Variants in CASP2 observed in about 807,000 individuals in gnomAD.
The protein encoded by CASP2 is caspase-2.
CASP2 carries 38 observed loss-of-function variants against 54.4 expected under a neutral mutation model. The ratio of observed to expected loss-of-function variants is 0.70; its 90% CI spans 0.54 to 0.92. The LOEUF (loss-of-function observed/expected upper bound fraction) is 0.92, where lower values mean the gene tolerates loss of function less well. Among genes scored for constraint, CASP2 ranks in the 40% least tolerant of loss-of-function variants. CASP2 has a pLI of 0.00. For synonymous variants in CASP2, 215 were observed against 216.3 expected (o/e 0.99, Z 0.05); for missense variants, 512 against 579.6 (o/e 0.88, Z 1.20).
chr7:143,294,831 C>A, intron 6 of CASP2, 58 bp downstream of exon 6: 4 of 1,443,262 alleles, frequency 2.8e-6, no homozygotes, highest in Non-Finnish European at 2.9e-6. Flanking sequence ...CACTTTGGGA[C>A]CAGAGACATC....
rs1802055254 is a variant in CASP2 at position 143,306,158 on chromosome 7, TTTA to T, written c.*1090_*1092del. The stretch of plus-strand genomic sequence containing the variant: ...AACTCTCCTTTGATATTATGTGGCT[TTTA>T]TTTCAGTGCCATACATGTTATTGTT... On this transcript the variant is annotated 3_prime_UTR_variant, in exon 11 of 11. Transcript: ENST00000310447. 6.6e-6 allele frequency: 1 copy of T among 152,160 alleles called. No individual in the cohort carries two copies. The highest frequency in any genetic ancestry group is 2.1e-4 in the South Asian group (1 of 4,832). 9.4% of individuals were successfully genotyped at this position (152,160 alleles called of 1,614,324 possible).
rs751529323 is a variant in CASP2 at position 143,300,465 on chromosome 7, T to C, written c.967+171T>C. 16 of 1,595,366 alleles carry C rather than the reference T, an allele frequency of 1.0e-5. No homozygotes were observed. In the Admixed American group the frequency reaches 2.7e-4, roughly 27 times the overall value. On this transcript the variant is annotated intron_variant, in intron 8 of 10. Transcript: ENST00000310447. ...TGTAAGTGTCTCCCAATGCATGGGG[T>C]GTGCTGGGACTTGGGCAGCCCATGG... is the stretch of plus-strand genomic sequence containing the variant.
At position 143,292,438 on chromosome 7, in the gene CASP2, C is replaced by T; in HGVS notation, c.364C>T (p.Leu122Phe). 1 of 1,614,156 alleles carries T rather than the reference C, an allele frequency of 6.2e-7. No homozygotes were observed. The highest frequency in any genetic ancestry group is 8.5e-7 in the Non-Finnish European group (1 of 1,180,050). Residue 122 changes from leucine (L) to phenylalanine (F), a missense_variant, in exon 3 of 11, where the codon CTT becomes TTT. Around this residue, in one of 3 missense-constraint regions of CASP2, gnomAD observed 417 missense variants for 495.4 expected, o/e 0.84. Transcript: ENST00000310447. ...GHLEDMLLTT[L>F]SGLQHVLPPL... ...CCTGGAGGATATGTTGCTCACCACC[C>T]TTTCTGGGCTTCAGCATGTACTCCC...
At chr7:143,290,366 C>T (rs1223193853) in intron 1 of CASP2, among the ~76,000 whole-genome samples, 1 of 152,084 alleles carries the variant, frequency 6.6e-6, no homozygotes, top group Non-Finnish European at 1.5e-5. Flanking sequence ...CCGGCCTCCC[C>T]TCATGTTTTA....
chr7:143,291,239 C>A (rs780937858), intron 1 of CASP2, among the ~76,000 whole-genome samples: 1 of 152,164 alleles, frequency 6.6e-6, no homozygotes, highest in Non-Finnish European at 1.5e-5. Flanking sequence ...TATTCCTTCT[C>A]ATAAATATGT....
In CASP2 at chr7:143,294,234, T is replaced by C; in HGVS notation, c.480T>C (p.Thr160=). The stretch of plus-strand genomic sequence containing the variant: ...GGTTTTCTGTCTATACCACAGATAC[T>C]GTGGAACACTCCCTAGACAATAAAG... ...LYKKLRLSTD[T]VEHSLDNKDG... Residue 160 remains threonine (T), a synonymous_variant, in exon 5 of 11, where the codon ACT becomes ACC. Coordinates refer to ENST00000310447, the MANE Select transcript of CASP2 (RefSeq NM_032982.4). The C allele has an allele frequency of 1.9e-6, 3 of 1,594,462 alleles. No individual in the cohort carries two copies. Among genetic ancestry groups the C allele is most frequent in the Non-Finnish European group, 2.6e-6 (3 of 1,162,206 alleles).
chr7:143,293,116 T>G (rs1316099255), intron 4 of CASP2: 5 of 335,376 alleles, frequency 1.5e-5, no homozygotes, highest in East Asian at 3.6e-5. Context: ...TTTTTTTTGT[T>G]TTTTTTTTTT....
In CASP2 at chr7:143,288,391, G is replaced by T. The variant is rs1801441746; in HGVS notation, c.-65G>T. The T allele has an allele frequency of 5.2e-6, 8 of 1,527,720 alleles. No individual in the cohort carries two copies. Among genetic ancestry groups the T allele is most frequent in the African/African-American group, 1.4e-5 (1 of 73,178 alleles). 94.6% of individuals were successfully genotyped at this position (1,527,720 alleles called of 1,614,324 possible). On this transcript the variant is annotated 5_prime_UTR_variant, in exon 1 of 11. Transcript: ENST00000310447. ...GTCTGAGGGGAGGGATGTGGGGGAA[G>T]CGACGGCCCCCGGTTTGTTTGGGCT... is the stretch of plus-strand genomic sequence containing the variant.
At chr7:143,291,800 T>TTG in intron 2 of CASP2, 110 bp downstream of exon 2, 2 of 913,500 alleles carry the variant, frequency 2.2e-6, no homozygotes, top group Non-Finnish European at 3.3e-6. Flanking sequence ...TTTTTTTTTT[T>TTG]GAGACAGAGT....
rs1802028118 is a variant in CASP2, at chr7:143,305,037, A to C, written c.1325A>C (p.His442Pro). The C allele has an allele frequency of 6.2e-7, 1 of 1,614,044 alleles. No individual in the cohort carries two copies. Among genetic ancestry groups the C allele is most frequent in the South Asian group, 1.1e-5 (1 of 91,088 alleles). Residue 442 changes from histidine to proline, a missense_variant, in exon 11 of 11, where the codon CAC becomes CCC. Transcript: ENST00000310447. ...MSEYCSTLCR[H>P]LYLFPGHPPT ...GAATACTGCAGCACTCTGTGCCGCCACCTCTACCTGTTCCCAGGACACCCT... is the reference window on the plus strand; with the variant it reads ...GAATACTGCAGCACTCTGTGCCGCCCCCTCTACCTGTTCCCAGGACACCCT...
chr7:143,293,783 C>T (rs1326434905), intron 4 of CASP2, among the ~76,000 whole-genome samples: 1 of 152,176 alleles, frequency 6.6e-6, no homozygotes, highest in Non-Finnish European at 1.5e-5. Flanking sequence ...GTCACTGCGC[C>T]CGGCCCAGGC....
Position 143,288,464 on chromosome 7 carries a change from G to C in CASP2, c.9G>C (p.Ala3=). The part of the protein sequence containing the change: MA[A]PSAGSWSTFQ... The stretch of plus-strand genomic sequence containing the variant: ...CCCGGGAAAAGCGGGAAATGGCGGC[G>C]CCGAGCGCGGGGTCTTGGTCCACCT... Residue 3 remains alanine (A), a synonymous_variant, in exon 1 of 11, where the codon GCG becomes GCC. Coordinates refer to ENST00000310447, the MANE Select transcript of CASP2 (RefSeq NM_032982.4). The C allele has an allele frequency of 6.2e-7, 1 of 1,613,058 alleles. No individual in the cohort carries two copies. Among genetic ancestry groups the C allele is most frequent in the Non-Finnish European group, 8.5e-7 (1 of 1,179,652 alleles).
At chr7:143,300,174 C>T (rs770571274) in intron 7 of CASP2, 30 bp from the exon 8 acceptor site, 4 of 1,613,142 alleles carry the variant, frequency 2.5e-6, no homozygotes, top group South Asian at 2.2e-5. Context: ...GAATGCTTAA[C>T]CTCTCTTCTT....
chr7:143,303,804 G>T lies in CASP2; in HGVS notation c.988G>T (p.Asp330Tyr). The change falls in exon 9 of 11, where the codon GAC becomes TAC. Residue 330 changes from aspartate (D) to tyrosine (Y), a missense_variant. By Grantham distance (160) the Asp-to-Tyr change is radical (BLOSUM62 -3). Coordinates refer to ENST00000310447, the MANE Select transcript of CASP2 (RefSeq NM_032982.4). ...TACAGATGAGACTGATCGTGGGGTTGACCAACAAGATGGAAAGAACCACGC... is the reference window on the plus strand; with the variant it reads ...TACAGATGAGACTGATCGTGGGGTTTACCAACAAGATGGAAAGAACCACGC... ...CRGDETDRGV[D>Y]QQDGKNHAGS... 6.2e-7 allele frequency: 1 copy of T among 1,613,854 alleles called. No homozygotes were observed. The highest frequency in any genetic ancestry group is 1.1e-5 in the South Asian group (1 of 91,030).
At chr7:143,304,632 G>T (rs752069533) in intron 9 of CASP2, 42 bp from the exon 10 acceptor site, 2 of 1,423,012 alleles carry the variant, frequency 1.4e-6, no homozygotes, top group Admixed American at 1.7e-5. Context: ...GTGCAGCTGT[G>T]TGATGGCATT....
intron 8 of CASP2, chr7:143,301,462 A>T (rs1801915691): frequency 6.6e-6 from 1 of 152,216 alleles, no homozygotes; most frequent in South Asian, 2.1e-4. Flanking sequence ...AAGTAAATAT[A>T]CATGAAGTAG....
chr7:143,289,789 T>C (rs930347908), intron 1 of CASP2: 3 of 178,762 alleles, frequency 1.7e-5, no homozygotes, highest in Non-Finnish European at 3.2e-5. Flanking sequence ...CTGAAAGTCT[T>C]GGGTAATGGA....
At position 143,288,433 on chromosome 7, in the gene CASP2, G is replaced by A. The variant is rs780417725; in HGVS notation, c.-23G>A. 6.2e-7 allele frequency: 1 copy of A among 1,611,216 alleles called. No individual in the cohort carries two copies. Among genetic ancestry groups the A allele is most frequent in the Admixed American group, 1.7e-5 (1 of 59,922 alleles). On this transcript the variant is annotated 5_prime_UTR_variant, in exon 1 of 11. Transcript: ENST00000310447. The stretch of plus-strand genomic sequence containing the variant: ...GTTTGGGCTGTGGGCGGTGCGCAGC[G>A]GAGAGCCCGGGAAAAGCGGGAAATG...
intron 6 of CASP2, among the ~76,000 whole-genome samples, chr7:143,296,503 C>T (rs1032564769): frequency 6.6e-6 from 1 of 152,198 alleles, no homozygotes; most frequent in African/African-American, 2.4e-5. Flanking sequence ...AGAACTTAAG[C>T]TGGCCTTGAA....
Sources: gnomAD v4.1 joint callset for allele counts (sites outside exome capture counted in the v4.1 genomes callset) on GRCh38, gnomAD v4.1.1 for gene constraint, gnomAD v4.1.1 regional missense constraint, MANE v1.5 for transcripts, NCBI Gene and HGNC (gene_info 2026-07-23, HGNC 2026-07-21) for gene names.